The following SYNE1 variants were observed in gnomAD, a reference collection of about 807,000 sequenced individuals.
The protein encoded by SYNE1 is nesprin-1.
Under a neutral mutation model 1,111.0 loss-of-function variants are expected in SYNE1, and 616 were observed. The ratio of observed to expected loss-of-function variants is 0.55; its 90% confidence interval spans 0.52 to 0.59. The LOEUF (loss-of-function observed/expected upper bound fraction) is 0.59. Among genes scored for constraint, SYNE1 ranks in the 20% least tolerant of loss-of-function variants. The pLI is 0.00. For synonymous variants in SYNE1, 3,855 were observed against 3,825.8 expected (o/e 1.01, Z -0.28); for missense variants, 10,006 against 10,417.0 (o/e 0.96, Z 1.72).
At chr6:152,364,726 A>AAGGGTGGG (rs2097028090) in intron 63 of SYNE1, 121 bp downstream of exon 63, 1 of 359,224 alleles carries the variant, frequency 2.8e-6, no homozygotes. Context: ...GGAAGGAAGG[A>AAGGGTGGG]AGGGAGGAAG....
intron 108 of SYNE1, among the ~76,000 whole-genome samples, chr6:152,238,616 AC>A (rs762123987): frequency 2.6e-5 from 4 of 152,180 alleles, no homozygotes; most frequent in Non-Finnish European, 4.4e-5. Context: ...CCTGCAGGCA[AC>A]CCAGTTAAGA....
chr6:152,192,485 T>TA (rs2072794078), intron 127 of SYNE1, among the ~76,000 whole-genome samples: 1 of 152,098 alleles, frequency 6.6e-6, no homozygotes, highest in Admixed American at 6.6e-5. Context: ...TTATTATTAT[T>TA]ATTTGAGACA....
chr6:152,271,578 G>C (rs1292598559), intron 98 of SYNE1, among the ~76,000 whole-genome samples: 8 of 152,170 alleles, frequency 5.3e-5, no homozygotes, highest in Non-Finnish European at 1.0e-4. Context: ...CCTAGAGATG[G>C]GAAGTTTGGG....
intron 98 of SYNE1, among the ~76,000 whole-genome samples, chr6:152,270,662 T>C (rs1472031048): frequency 6.6e-6 from 1 of 152,208 alleles, no homozygotes; most frequent in Non-Finnish European, 1.5e-5. Flanking sequence ...TAATAAGCAC[T>C]CACTAGACAC....
chr6:152,533,719 A>C (rs1002187715), intron 4 of SYNE1, among the ~76,000 whole-genome samples: 2 of 151,792 alleles, frequency 1.3e-5, no homozygotes, highest in African/African-American at 4.8e-5. Context: ...TTTACTGTCC[A>C]TCTCCCCCAT....
At chr6:152,452,389 C>T (rs577469301) in intron 25 of SYNE1, among the ~76,000 whole-genome samples, 20 of 152,114 alleles carry the variant, frequency 1.3e-4, no homozygotes, top group African/African-American at 4.8e-4. Context: ...GCTTCAAAGA[C>T]ATCTAACAAA....
intron 3 of SYNE1, among the ~76,000 whole-genome samples, chr6:152,602,747 TA>T (rs1186779599): frequency 2.6e-5 from 4 of 152,100 alleles, no homozygotes; most frequent in Admixed American, 6.5e-5. Context: ...TTTTTATTCA[TA>T]CCTGTTGAGT....
At chr6:152,590,132 G>A (rs538356529) in intron 3 of SYNE1, among the ~76,000 whole-genome samples, 7 of 150,042 alleles carry the variant, frequency 4.7e-5, no homozygotes, top group Non-Finnish European at 3.0e-5. Context: ...TTATTTTGTA[G>A]AGATGGGATC....
At chr6:152,228,022 A>C (rs952755092) in intron 115 of SYNE1, among the ~76,000 whole-genome samples, 7 of 152,190 alleles carry the variant, frequency 4.6e-5, no homozygotes, top group Non-Finnish European at 1.0e-4. Flanking sequence ...TTAATAAATC[A>C]CCTATAAAAG....
rs2085924375 is a variant in SYNE1, at chr6:152,242,350, G to A, written c.19783C>T (p.Leu6595=). ...TCTAGCAGGTCAGCCAGATCTTGTA[G>A]GGCCCTCTCATACTGACTCTTGAGT... ...LTLKSQYERA[L]QDLADLLETG... Residue 6595 remains leucine (L), a synonymous_variant, in exon 107 of 146, where the codon CTA becomes TTA. Transcript: ENST00000367255. 1.2e-6 allele frequency: 2 copies of A among 1,613,828 alleles called. No homozygotes were observed. Among genetic ancestry groups the A allele is most frequent in the African/African-American group, 1.3e-5 (1 of 74,868 alleles).
chr6:152,454,894 A>G (rs1013996463), intron 24 of SYNE1, among the ~76,000 whole-genome samples: 2 of 152,172 alleles, frequency 1.3e-5, no homozygotes, highest in Admixed American at 1.3e-4. Flanking sequence ...ATTTCCATAT[A>G]CCATTCATGA....
Position 152,395,572 on chromosome 6 carries a change from C to G in SYNE1, c.7656G>C (p.Glu2552Asp). ...CAACTTTATGAACTTCATTTTTCTTCTCAGGAATGTGCTGTTTACTCTCTC... is the reference window on the plus strand; with the variant it reads ...CAACTTTATGAACTTCATTTTTCTTGTCAGGAATGTGCTGTTTACTCTCTC... ...NLGESKQHIPEKKNEVHKVEM... is the reference protein window; with the variant it reads ...NLGESKQHIPDKKNEVHKVEM... The change falls in exon 51 of 146, where the codon GAG becomes GAC. Residue 2552 changes from glutamate (E) to aspartate (D), a missense_variant. By Grantham distance (45) the Glu-to-Asp change is conservative. This residue lies in a region of SYNE1 where 4,955 missense variants were observed against 5,017.2 expected (regional missense o/e 0.99). Transcript: ENST00000367255. 3 of 1,614,120 alleles carry G rather than the reference C, an allele frequency of 1.9e-6. No individual in the cohort carries two copies. The highest frequency in any genetic ancestry group is 2.5e-6 in the Non-Finnish European group (3 of 1,180,014).
At chr6:152,517,209 T>C (rs1217307528) in intron 6 of SYNE1, among the ~76,000 whole-genome samples, 2 of 152,248 alleles carry the variant, frequency 1.3e-5, no homozygotes, top group East Asian at 1.9e-4. Context: ...TCCTGTCTTA[T>C]AGAAAGTCAT....
intron 145 of SYNE1, chr6:152,128,758 T>G (rs1362216456): frequency 6.6e-6 from 1 of 152,224 alleles, no homozygotes; most frequent in Non-Finnish European, 1.5e-5. Flanking sequence ...AGTGCAAGAT[T>G]AAACACGAGA....
chr6:152,203,345 T>C (rs1319469322), intron 126 of SYNE1, among the ~76,000 whole-genome samples: 1 of 152,218 alleles, frequency 6.6e-6, no homozygotes, highest in African/African-American at 2.4e-5. Context: ...TCCGGTGTCT[T>C]AGTGCCAGTG....
In SYNE1 at chr6:152,511,380, C is replaced by A. The variant is rs545377233; in HGVS notation, c.310-277G>T. Among the ~76,000 whole-genome samples, 6 of 152,076 alleles carry A rather than the reference C, an allele frequency of 3.9e-5. No homozygotes were observed. In the South Asian group the frequency reaches 1.2e-3, roughly 32 times the overall value. On this transcript the variant is annotated intron_variant, in intron 6 of 145. Coordinates refer to ENST00000367255, the MANE Select transcript of SYNE1 (RefSeq NM_182961.4). ...AAAAAATATAACATGCAGGCAATTA[C>A]CAACAAAAATGTCAAACAGAAAAAA...
intron 127 of SYNE1, among the ~76,000 whole-genome samples, chr6:152,191,923 G>A (rs970838183): frequency 4.6e-5 from 7 of 151,916 alleles, no homozygotes; most frequent in Admixed American, 6.6e-5. Flanking sequence ...ACTGTATTAC[G>A]TAGGTTTTGG....
At chr6:152,261,327 C>A (rs549421224) in intron 101 of SYNE1, among the ~76,000 whole-genome samples, 11 of 152,284 alleles carry the variant, frequency 7.2e-5, no homozygotes, top group Middle Eastern at 6.8e-3. Flanking sequence ...TTCCTGACTC[C>A]CTCATTTGCC....
chr6:152,627,894 C>T (rs1355237928), intron 3 of SYNE1, among the ~76,000 whole-genome samples: 1 of 151,998 alleles, frequency 6.6e-6, no homozygotes, highest in African/African-American at 2.4e-5. Flanking sequence ...GCTATATGTC[C>T]ACAACTTGTC....
Sources: allele counts gnomAD v4.1 joint callset (sites outside exome capture counted in the v4.1 genomes callset), GRCh38; gene constraint gnomAD v4.1.1; regional missense constraint gnomAD v4.1.1; transcripts MANE v1.5; gene names NCBI Gene and HGNC (gene_info 2026-07-23, HGNC 2026-07-21).